Variants in PRKAR1B observed in about 807,000 individuals in gnomAD.
The protein encoded by PRKAR1B is cAMP-dependent protein kinase type I-beta regulatory subunit.
A neutral mutation model predicts 46.5 loss-of-function variants in PRKAR1B; 22 were observed. The ratio of observed to expected loss-of-function variants is 0.47; its 90% CI spans 0.34 to 0.68. The LOEUF (loss-of-function observed/expected upper bound fraction) is 0.68. Among genes scored for constraint, PRKAR1B ranks in the 30% least tolerant of loss-of-function variants. PRKAR1B has a pLI of 0.01. For missense variants in PRKAR1B, 445 were observed against 535.6 expected (o/e 0.83, Z 1.67); for synonymous variants, 259 against 217.7 (o/e 1.19, Z -1.67).
chr7:727,407 G>A (rs1361484772), upstream of PRKAR1B: 1 of 624,168 alleles, frequency 1.6e-6, no homozygotes, highest in African/African-American at 2.7e-5. Context: ...CCGCGGCTCG[G>A]CCCCGCCCCC....
At chr7:653,132 T>C (rs1180196394) in intron 4 of PRKAR1B, among the ~76,000 whole-genome samples, 1 of 152,188 alleles carries the variant, frequency 6.6e-6, no homozygotes, top group Non-Finnish European at 1.5e-5. Context: ...CACTTGCTAA[T>C]GTACCATTGG....
At chr7:595,539 A>T (rs1781224502) in intron 7 of PRKAR1B, among the ~76,000 whole-genome samples, 1 of 152,050 alleles carries the variant, frequency 6.6e-6, no homozygotes, top group Non-Finnish European at 1.5e-5. Flanking sequence ...CTCCCTGGAA[A>T]GGGTCCTCCC....
chr7:693,555 C>T (rs1326826844), intron 2 of PRKAR1B, among the ~76,000 whole-genome samples: 1 of 152,188 alleles, frequency 6.6e-6, no homozygotes, highest in Admixed American at 6.5e-5. Context: ...GTCCCAGGTT[C>T]GTCCGCGCTG....
intron 2 of PRKAR1B, 116 bp downstream of exon 2, chr7:711,213 A>G (rs1181360029): frequency 7.2e-7 from 1 of 1,388,846 alleles, no homozygotes; most frequent in African/African-American, 1.4e-5. Flanking sequence ...GACGGCAGAC[A>G]GTCTCTGGGG....
chr7:611,336 C>T (rs557161776), intron 4 of PRKAR1B, among the ~76,000 whole-genome samples: 1 of 152,330 alleles, frequency 6.6e-6, no homozygotes, highest in Admixed American at 6.5e-5. Context: ...GCCTGAGCGT[C>T]TGGGACGGCC....
chr7:555,863 C>T (rs932884325), intron 9 of PRKAR1B, among the ~76,000 whole-genome samples: 4 of 152,254 alleles, frequency 2.6e-5, no homozygotes, highest in South Asian at 2.1e-4. Flanking sequence ...AGGGGTGCTG[C>T]GAATTGGCAG....
At chr7:698,522 A>G (rs1214977529) in intron 2 of PRKAR1B, among the ~76,000 whole-genome samples, 1 of 152,082 alleles carries the variant, frequency 6.6e-6, no homozygotes, top group African/African-American at 2.4e-5. Context: ...GAGCATGTGC[A>G]CATATGTGTG....
intron 4 of PRKAR1B, among the ~76,000 whole-genome samples, chr7:651,049 G>A (rs962755155): frequency 2.6e-5 from 4 of 152,228 alleles, no homozygotes; most frequent in Non-Finnish European, 5.9e-5. Context: ...GCTGCCTTCT[G>A]GAAGCTTCCC....
chr7:691,725 G>A, intron 2 of PRKAR1B: 1 of 1,246,508 alleles, frequency 8.0e-7, no homozygotes, highest in East Asian at 5.7e-5. Flanking sequence ...CAAAACCCCG[G>A]GGAGGGGAAT....
intron 7 of PRKAR1B, 36 bp from the exon 8 acceptor site, chr7:584,604 G>A: frequency 6.4e-7 from 1 of 1,553,298 alleles, no homozygotes; most frequent in African/African-American, 1.4e-5. Flanking sequence ...ACAAGAAGGT[G>A]AATCTTCATA....
At chr7:717,924 G>C (rs1042231732) in intron 1 of PRKAR1B, among the ~76,000 whole-genome samples, 1 of 152,058 alleles carries the variant, frequency 6.6e-6, no homozygotes, top group African/African-American at 2.4e-5. Context: ...CAAAGGTGAG[G>C]AGTGAGCATC....
chr7:717,018 C>T (rs1439616386), intron 1 of PRKAR1B, among the ~76,000 whole-genome samples: 1 of 152,190 alleles, frequency 6.6e-6, no homozygotes, highest in African/African-American at 2.4e-5. Flanking sequence ...CAGCCGGGCG[C>T]AGTGCCTCCC....
chr7:643,111 C>G (rs1203522953), intron 4 of PRKAR1B, among the ~76,000 whole-genome samples: 1 of 151,618 alleles, frequency 6.6e-6, no homozygotes, highest in Admixed American at 6.6e-5. Flanking sequence ...CTATAATTAC[C>G]TTGAAAATAA....
chr7:560,238 T>C lies in PRKAR1B; in HGVS notation c.892-8768A>G, dbSNP rs1778699841. ...CCCTGTGAAGAGGTACCTTCCACCA[T>C]GATTGTAAGTTTCCTGAGACCTCCC... On this transcript the variant is annotated intron_variant, in intron 9 of 10. Coordinates refer to ENST00000537384, the MANE Select transcript of PRKAR1B (RefSeq NM_001164760.2). This position sits in a 1 kb window ranked among gnomAD's most constrained non-coding sequence, Gnocchi z 4.2. 6.6e-6 allele frequency among the ~76,000 whole-genome samples: 1 copy of C among 152,096 alleles called. No homozygotes were observed. Among genetic ancestry groups the C allele is most frequent in the Non-Finnish European group, 1.5e-5 (1 of 68,026 alleles).
chr7:626,845 G>A (rs1037594978), intron 4 of PRKAR1B, among the ~76,000 whole-genome samples: 2 of 151,920 alleles, frequency 1.3e-5, no homozygotes, highest in African/African-American at 4.8e-5. Context: ...CAAGTAGCTG[G>A]GACTACAGGT....
At chr7:713,586 G>A (rs192692213) in intron 1 of PRKAR1B, among the ~76,000 whole-genome samples, 6 of 150,584 alleles carry the variant, frequency 4.0e-5, no homozygotes, top group Admixed American at 6.6e-5. Context: ...CACACTCACC[G>A]TCTCCCAGTC....
At position 576,240 on chromosome 7, in the gene PRKAR1B, C is replaced by T. The variant is rs574441050; in HGVS notation, c.891+3016G>A. 4.8e-4 allele frequency among the ~76,000 whole-genome samples: 73 copies of T among 151,794 alleles called. 1 individual carries two copies. The highest frequency in any genetic ancestry group is 1.2e-3 in the African/African-American group (51 of 41,374). On this transcript the variant is annotated intron_variant, in intron 9 of 10. Transcript: ENST00000537384. Reference sequence around the variant, plus strand: ...TGGCATCCTCTCCTCTGCACACGGGCGGGTGTGCACGCTGGAATCACGGCT... The same window carrying T: ...TGGCATCCTCTCCTCTGCACACGGGTGGGTGTGCACGCTGGAATCACGGCT...
At chr7:679,891 G>A (rs1778559569) in intron 3 of PRKAR1B, among the ~76,000 whole-genome samples, 1 of 152,156 alleles carries the variant, frequency 6.6e-6, no homozygotes, top group Admixed American at 6.5e-5. Flanking sequence ...GGGCATGGTG[G>A]CTCACGCCCG....
In PRKAR1B at chr7:602,178, G is replaced by A. The variant is rs1334376261; in HGVS notation, c.549+4015C>T. Among the ~76,000 whole-genome samples, 4 of 152,148 alleles carry A rather than the reference G, an allele frequency of 2.6e-5. No individual in the cohort carries two copies. Among genetic ancestry groups the A allele is most frequent in the East Asian group, 3.9e-4 (2 of 5,174 alleles). ...CAGGGCAGGGGCTGGGCTGGGAGGGGACCCAGTGAGCTCAGGGCTGGAGGA... is the reference window on the plus strand; with the variant it reads ...CAGGGCAGGGGCTGGGCTGGGAGGGAACCCAGTGAGCTCAGGGCTGGAGGA... On this transcript the variant is annotated intron_variant, in intron 6 of 10. Transcript: ENST00000537384. The surrounding 1 kb of genome is among the most constrained non-coding windows in gnomAD (Gnocchi z 6.4).
Sources: allele counts gnomAD v4.1 joint callset (sites outside exome capture counted in the v4.1 genomes callset), GRCh38; gene constraint gnomAD v4.1.1; non-coding constraint Gnocchi (gnomAD v3.1); transcripts MANE v1.5; gene names NCBI Gene and HGNC (gene_info 2026-07-23, HGNC 2026-07-21).